The following TM9SF2 variants were observed in gnomAD, a reference collection of about 807,000 sequenced individuals.
TM9SF2 encodes 76 kDa membrane protein.
TM9SF2 carries 13 observed loss-of-function variants against 84.9 expected under a neutral mutation model. That is an observed-to-expected ratio of 0.15 (90% CI 0.10 to 0.24). TM9SF2 has a LOEUF of 0.24. TM9SF2 is among the 10% of genes least tolerant of loss of function. The pLI is 1.00. For synonymous variants in TM9SF2, 273 were observed against 285.8 expected (o/e 0.96, Z 0.45); for missense variants, 562 against 818.5 (o/e 0.69, Z 3.82).
intron 3 of TM9SF2, among the ~76,000 whole-genome samples, chr13:99,525,012 G>A (rs1186058751): frequency 6.6e-6 from 1 of 152,058 alleles, no homozygotes; most frequent in Non-Finnish European, 1.5e-5. Flanking sequence ...TGGTTGATTT[G>A]TCACTGATGG....
intron 1 of TM9SF2, among the ~76,000 whole-genome samples, chr13:99,515,777 G>A (rs2046131557): frequency 7.0e-6 from 1 of 143,668 alleles, no homozygotes. Flanking sequence ...CTGTTGCCCA[G>A]GCTGGAGTGT....
intron 15 of TM9SF2, among the ~76,000 whole-genome samples, chr13:99,558,837 C>T (rs2046334227): frequency 6.6e-6 from 1 of 152,128 alleles, no homozygotes; most frequent in Non-Finnish European, 1.5e-5. Context: ...GTGAAGTGTT[C>T]TCTTTTAAAA....
chr13:99,550,805 G>A (rs1265722298), intron 12 of TM9SF2, among the ~76,000 whole-genome samples: 2 of 152,094 alleles, frequency 1.3e-5, no homozygotes, highest in African/African-American at 2.4e-5. Flanking sequence ...ATATTTCCTT[G>A]TATTAAAAAG....
In TM9SF2 at chr13:99,559,395, G is replaced by A. The variant is rs7330734; in HGVS notation, c.1785G>A (p.Thr595=). The A allele has an allele frequency of 6.9e-6, 11 of 1,601,072 alleles. No individual in the cohort carries two copies. The highest frequency in any genetic ancestry group is 3.5e-5 in the Admixed American group (2 of 57,238). ...DYHWQWRSFL[T]SGFTAVYFLI... Reference sequence around the variant, plus strand: ...ATTGGCAATGGCGTTCATTCCTTACGAGTGGCTTTACTGCAGTTTATTTCT... The same window carrying A: ...ATTGGCAATGGCGTTCATTCCTTACAAGTGGCTTTACTGCAGTTTATTTCT... Residue 595 remains threonine (T), a synonymous_variant, in exon 16 of 17, where the codon ACG becomes ACA. Transcript: ENST00000376387.
At chr13:99,517,755 T>C in intron 2 of TM9SF2, 74 bp downstream of exon 2, 1 of 1,009,892 alleles carries the variant, frequency 9.9e-7, no homozygotes, top group Non-Finnish European at 1.5e-6. Flanking sequence ...AGAACTTTGT[T>C]TTCTCACAGT....
At chr13:99,521,126 A>G (rs796518837) in intron 3 of TM9SF2, among the ~76,000 whole-genome samples, 3 of 152,332 alleles carry the variant, frequency 2.0e-5, no homozygotes, top group African/African-American at 7.2e-5. Context: ...AAAGTAGTTT[A>G]TTATAATAAT....
In TM9SF2 at chr13:99,523,105, A is replaced by T. The variant is rs548944013; in HGVS notation, c.333+2976A>T. Among the ~76,000 whole-genome samples the T allele has an allele frequency of 1.4e-4, 22 of 152,326 alleles. No homozygotes were observed. The South Asian group carries it at 4.3e-3, about 30-fold the overall frequency. ...CAAGGTGTAAGCCAGCCATAAATGT[A>T]TTGACCAACATTTTTCATTTCACTA... On this transcript the variant is annotated intron_variant, in intron 3 of 16. Coordinates refer to ENST00000376387, the MANE Select transcript of TM9SF2 (RefSeq NM_004800.3).
intron 9 of TM9SF2, 110 bp from the exon 10 acceptor site, chr13:99,543,753 G>GT (rs1303656885): frequency 8.4e-6 from 12 of 1,421,670 alleles, no homozygotes; most frequent in African/African-American, 1.4e-5. Context: ...ACATTTTTAA[G>GT]TTTAAAAAAA....
chr13:99,517,576 G>A, intron 1 of TM9SF2, 38 bp from the exon 2 acceptor site: 1 of 1,419,280 alleles, frequency 7.0e-7, no homozygotes, highest in Non-Finnish European at 9.7e-7. Flanking sequence ...TTTGTGTCCT[G>A]TTGTTTATAT....
intron 1 of TM9SF2, among the ~76,000 whole-genome samples, chr13:99,504,852 T>G (rs1444137281): frequency 6.6e-6 from 1 of 152,234 alleles, no homozygotes; most frequent in Non-Finnish European, 1.5e-5. Flanking sequence ...ACTATTTCAT[T>G]CTGTTCCTGT....
intron 4 of TM9SF2, among the ~76,000 whole-genome samples, chr13:99,536,011 C>T (rs981392703): frequency 6.6e-6 from 1 of 152,066 alleles, no homozygotes; most frequent in Non-Finnish European, 1.5e-5. Context: ...CACTTTTCCT[C>T]CTGGCTCTTT....
chr13:99,509,074 A>G (rs546506496), intron 1 of TM9SF2, among the ~76,000 whole-genome samples: 4 of 152,338 alleles, frequency 2.6e-5, no homozygotes, highest in East Asian at 1.9e-4. Context: ...ATGAGCCTGT[A>G]AAATAAAAAA....
At chr13:99,512,774 G>A (rs899535884) in intron 1 of TM9SF2, among the ~76,000 whole-genome samples, 1 of 152,196 alleles carries the variant, frequency 6.6e-6, no homozygotes, top group Non-Finnish European at 1.5e-5. Flanking sequence ...GGAATTTAAA[G>A]GAAGTGTGGC....
intron 15 of TM9SF2, among the ~76,000 whole-genome samples, chr13:99,556,445 C>T (rs923762516): frequency 1.3e-5 from 2 of 152,082 alleles, no homozygotes; most frequent in South Asian, 2.1e-4. Context: ...TGCTTTCTGT[C>T]TGTTTCGCCT....
chr13:99,529,337 A>T, intron 3 of TM9SF2, 130 bp from the exon 4 acceptor site: 1 of 772,484 alleles, frequency 1.3e-6, no homozygotes, highest in South Asian at 4.5e-5. Context: ...GAATTTAAAA[A>T]TTTATTTATT....
chr13:99,511,451 T>TA (rs2046113437), intron 1 of TM9SF2, among the ~76,000 whole-genome samples: 1 of 152,238 alleles, frequency 6.6e-6, no homozygotes, highest in South Asian at 2.1e-4. Context: ...ATCTCATTCT[T>TA]ATGACACTTT....
At chr13:99,507,559 A>G (rs554122684) in intron 1 of TM9SF2, among the ~76,000 whole-genome samples, 1 of 152,254 alleles carries the variant, frequency 6.6e-6, no homozygotes, top group South Asian at 2.1e-4. Context: ...AACCCTGGTA[A>G]TTATCTAGGA....
chr13:99,508,443 A>ACACACACACACACACACCCC (rs1311954976), intron 1 of TM9SF2, among the ~76,000 whole-genome samples: 3 of 147,560 alleles, frequency 2.0e-5, no homozygotes, highest in Admixed American at 6.9e-5. Flanking sequence ...ACACACACAC[A>ACACACACACACACACACCCC]CCCCAGAGAT....
chr13:99,543,270 T>C (rs559293742), intron 9 of TM9SF2, among the ~76,000 whole-genome samples: 1 of 152,348 alleles, frequency 6.6e-6, no homozygotes, highest in South Asian at 2.1e-4. Context: ...CAGCGCTTAT[T>C]ACCATCTAAT....
Sources: gnomAD v4.1 joint callset for allele counts (sites outside exome capture counted in the v4.1 genomes callset) on GRCh38, gnomAD v4.1.1 for gene constraint, MANE v1.5 for transcripts, NCBI Gene and HGNC (gene_info 2026-07-23, HGNC 2026-07-21) for gene names.